The following CTNNA3 variants were observed in gnomAD, a reference collection of about 807,000 sequenced individuals.
The protein encoded by CTNNA3 is catenin alpha 3.
CTNNA3 carries 76 observed loss-of-function variants against 95.7 expected under a neutral mutation model. The ratio of observed to expected loss-of-function variants is 0.79; its 90% CI spans 0.66 to 0.96. The LOEUF (loss-of-function observed/expected upper bound fraction) is 0.96. Ranked by LOEUF, CTNNA3 falls within the 40% of genes least tolerant of loss-of-function variation. CTNNA3 has a pLI of 0.00. For missense variants in CTNNA3, 1,191 were observed against 1,089.8 expected (o/e 1.09, Z -1.31); for synonymous variants, 431 against 374.4 (o/e 1.15, Z -1.74).
At chr10:66,137,903 T>C (rs1234426423) in intron 13 of CTNNA3, among the ~76,000 whole-genome samples, 1 of 152,088 alleles carries the variant, frequency 6.6e-6, no homozygotes, top group African/African-American at 2.4e-5. Flanking sequence ...TGAGCCAAGA[T>C]TATGTCATTG....
chr10:67,479,165 A>G (rs988074022), intron 5 of CTNNA3, among the ~76,000 whole-genome samples: 3 of 152,210 alleles, frequency 2.0e-5, no homozygotes, highest in African/African-American at 7.2e-5. Context: ...GGACTTCAAC[A>G]TCGCACTGAC....
intron 7 of CTNNA3, among the ~76,000 whole-genome samples, chr10:66,980,965 GGT>G (rs1337854326): frequency 6.6e-6 from 1 of 152,084 alleles, no homozygotes. Flanking sequence ...GGAGTGCGAT[GGT>G]GTGATTTCGG....
intron 5 of CTNNA3, among the ~76,000 whole-genome samples, chr10:67,457,195 A>G (rs1847204963): frequency 6.6e-6 from 1 of 152,200 alleles, no homozygotes; most frequent in Non-Finnish European, 1.5e-5. Context: ...GTCCTGGATG[A>G]AAAGGTATGG....
intron 7 of CTNNA3, among the ~76,000 whole-genome samples, chr10:66,930,952 T>C (rs1001252263): frequency 3.9e-5 from 6 of 152,174 alleles, no homozygotes; most frequent in African/African-American, 1.4e-4. Flanking sequence ...AGCACAGATA[T>C]ATAATTCTTG....
chr10:66,053,926 T>TTTATTA (rs2080016955), intron 15 of CTNNA3, among the ~76,000 whole-genome samples: 1 of 152,046 alleles, frequency 6.6e-6, no homozygotes, highest in South Asian at 2.1e-4. Context: ...ACTTTCATGG[T>TTTATTA]TTATTATTAT....
At chr10:67,305,230 C>T (rs78174707) in intron 5 of CTNNA3, among the ~76,000 whole-genome samples, 4 of 152,134 alleles carry the variant, frequency 2.6e-5, no homozygotes, top group East Asian at 1.9e-4. Flanking sequence ...GAGCCGAGAT[C>T]GCGCCACTGC....
chr10:67,042,893 C>G (rs760688115), intron 7 of CTNNA3, among the ~76,000 whole-genome samples: 23 of 152,036 alleles, frequency 1.5e-4, no homozygotes, highest in Non-Finnish European at 2.6e-4. Flanking sequence ...GAGGGTTTAA[C>G]TATATTTCCT....
intron 8 of CTNNA3, among the ~76,000 whole-genome samples, chr10:66,768,204 T>C (rs1270037893): frequency 6.6e-6 from 1 of 152,192 alleles, no homozygotes; most frequent in African/African-American, 2.4e-5. Flanking sequence ...TCTTTTCTTC[T>C]TTCATTCATA....
At chr10:67,276,599 T>C (rs371434637) in intron 5 of CTNNA3, among the ~76,000 whole-genome samples, 6 of 152,254 alleles carry the variant, frequency 3.9e-5, no homozygotes, top group South Asian at 4.1e-4. Flanking sequence ...CAATGTGTGA[T>C]ATATAAAATA....
chr10:66,482,096 T>C (rs1839558910), intron 11 of CTNNA3, among the ~76,000 whole-genome samples: 1 of 152,168 alleles, frequency 6.6e-6, no homozygotes, highest in African/African-American at 2.4e-5. Context: ...AGATTTTTGT[T>C]AATAGTTTGA....
intron 10 of CTNNA3, among the ~76,000 whole-genome samples, chr10:66,551,735 G>A (rs2132109149): frequency 6.6e-6 from 1 of 152,024 alleles, no homozygotes; most frequent in Non-Finnish European, 1.5e-5. Context: ...AGTTCCGTTT[G>A]TAAGTTCTGT....
intron 6 of CTNNA3, among the ~76,000 whole-genome samples, chr10:67,194,887 A>C (rs1863276822): frequency 1.3e-5 from 2 of 151,998 alleles, no homozygotes; most frequent in Non-Finnish European, 2.9e-5. Context: ...ATAAAGTCTT[A>C]AAAATAAGAA....
chr10:67,351,414 CAA>C (rs1483213811), intron 5 of CTNNA3, among the ~76,000 whole-genome samples: 1 of 151,806 alleles, frequency 6.6e-6, no homozygotes, highest in Non-Finnish European at 1.5e-5. Context: ...AAGCATACAG[CAA>C]AAGTTTCACA....
chr10:67,212,050 T>C (rs975271225), intron 6 of CTNNA3, among the ~76,000 whole-genome samples: 5 of 152,022 alleles, frequency 3.3e-5, no homozygotes, highest in Non-Finnish European at 4.4e-5. Context: ...ACACAGAAAA[T>C]AGATTTAATA....
chr10:66,640,738 T>C (rs1450092978), intron 9 of CTNNA3, among the ~76,000 whole-genome samples: 3 of 152,142 alleles, frequency 2.0e-5, no homozygotes, highest in Non-Finnish European at 4.4e-5. Flanking sequence ...GGAAGAATTT[T>C]TCCCCCCACC....
intron 13 of CTNNA3, among the ~76,000 whole-genome samples, chr10:66,143,173 TG>T (rs1006978976): frequency 1.3e-5 from 2 of 152,050 alleles, no homozygotes; most frequent in African/African-American, 4.8e-5. Context: ...TTGGCTATCC[TG>T]AAAAATTGGA....
rs536635030 is a variant in CTNNA3, at chr10:66,760,611, T to C, written c.1281+5653A>G. Among the ~76,000 whole-genome samples the C allele has an allele frequency of 6.4e-4, 97 of 152,312 alleles. 1 individual carries two copies. The highest frequency in any genetic ancestry group is 2.2e-3 in the African/African-American group (93 of 41,578). ...CTAACATTCCATTTGAAAATATCTA[T>C]ACTTGATTGTGGGAAGGCTCTTACT... is the stretch of plus-strand genomic sequence containing the variant. On this transcript the variant is annotated intron_variant, in intron 9 of 17. Transcript: ENST00000433211.
chr10:66,941,515 C>A lies in CTNNA3; in HGVS notation c.1048-165991G>T, dbSNP rs139920981. Among the ~76,000 whole-genome samples, 1,025 of 152,190 alleles carry A rather than the reference C, an allele frequency of 6.7e-3. 14 individuals are homozygous for A. Among genetic ancestry groups the A allele is most frequent in the African/African-American group, 0.023 (965 of 41,530 alleles). ...GGAATCTTCACCTCTTTCCTTTCAA[C>A]TGTATGGAATTTGAATCTGACAAAC... On this transcript the variant is annotated intron_variant, in intron 7 of 17. Coordinates refer to ENST00000433211, the MANE Select transcript of CTNNA3 (RefSeq NM_013266.4).
chr10:66,550,970 T>C (rs1842197377), intron 10 of CTNNA3, among the ~76,000 whole-genome samples: 1 of 152,164 alleles, frequency 6.6e-6, no homozygotes, highest in Admixed American at 6.5e-5. Context: ...ACTTTATTGC[T>C]TTTATATACA....
Sources: gnomAD v4.1 joint callset for allele counts (sites outside exome capture counted in the v4.1 genomes callset) on GRCh38, gnomAD v4.1.1 for gene constraint, MANE v1.5 for transcripts, NCBI Gene and HGNC (gene_info 2026-07-23, HGNC 2026-07-21) for gene names.